Variants in VAPA observed in about 807,000 individuals in gnomAD.
The protein encoded by VAPA is VAMP associated protein A.
In VAPA, 6 loss-of-function variants were observed where a neutral mutation model predicts 25.6. The ratio of observed to expected loss-of-function variants is 0.23; its 90% CI spans 0.13 to 0.46. The LOEUF is 0.46. VAPA is among the 20% of genes least tolerant of loss of function. VAPA has a pLI of 0.99. For synonymous variants in VAPA, 112 were observed against 106.2 expected, an observed-to-expected ratio of 1.05 and a Z score of -0.34; for missense variants, 244 against 302.1, an observed-to-expected ratio of 0.81 and a Z score of 1.43.
chr18:9,926,413 T>C (rs1298962523), intron 1 of VAPA, among the ~76,000 whole-genome samples: 1 of 152,170 alleles, frequency 6.6e-6, no homozygotes, highest in East Asian at 1.9e-4. Context: ...CTGCACTGCA[T>C]AGCTAAGAAT....
intron 4 of VAPA, among the ~76,000 whole-genome samples, chr18:9,938,040 G>A (rs957508483): frequency 2.0e-5 from 3 of 152,142 alleles, no homozygotes; most frequent in African/African-American, 7.2e-5. Flanking sequence ...GTGAACACAT[G>A]TATTCTCTGT....
At chr18:9,947,643 C>G (rs927087257) in intron 4 of VAPA, 7 of 152,194 alleles carry the variant, frequency 4.6e-5, no homozygotes, top group Non-Finnish European at 1.0e-4. Context: ...CTAAGAGTCA[C>G]AGCATGTTGA....
intron 4 of VAPA, 168 bp from the exon 5 acceptor site, chr18:9,950,227 A>T (rs3025576): frequency 1.6e-6 from 1 of 615,596 alleles, no homozygotes. Flanking sequence ...TTATGGGAAT[A>T]GAGGGAGTGG....
intron 1 of VAPA, among the ~76,000 whole-genome samples, chr18:9,925,261 T>A (rs749584057): frequency 2.2e-4 from 34 of 151,660 alleles, no homozygotes; most frequent in Non-Finnish European, 8.8e-5. Context: ...ATAATATGAT[T>A]GTATAATATG....
At chr18:9,927,992 C>T (rs3025607) in intron 1 of VAPA, among the ~76,000 whole-genome samples, 28 of 151,938 alleles carry the variant, frequency 1.8e-4, no homozygotes, top group Non-Finnish European at 3.4e-4. Context: ...ATAAATGTAA[C>T]GTATGCAGTT....
At chr18:9,949,546 CTT>C (rs749330663) in intron 4 of VAPA, 12 of 152,024 alleles carry the variant, frequency 7.9e-5, no homozygotes, top group African/African-American at 2.9e-4. Flanking sequence ...TAGTAAATGT[CTT>C]TTTTAGCAGT....
At chr18:9,914,517 C>T in intron 1 of VAPA, 182 bp downstream of exon 1, 1 of 401,832 alleles carries the variant, frequency 2.5e-6, no homozygotes. Flanking sequence ...GCCCCTTGCT[C>T]CGGCCCGCTT....
chr18:9,941,810 C>T (rs576177615), intron 4 of VAPA, among the ~76,000 whole-genome samples: 2 of 152,264 alleles, frequency 1.3e-5, no homozygotes, highest in East Asian at 3.9e-4. Flanking sequence ...CTGACTTACA[C>T]AGTTGCTGAA....
intron 2 of VAPA, among the ~76,000 whole-genome samples, chr18:9,932,189 C>T (rs1285760613): frequency 1.3e-5 from 2 of 152,156 alleles, no homozygotes; most frequent in Non-Finnish European, 2.9e-5. Flanking sequence ...TTGTCAATTA[C>T]AAACTTTAGT....
At chr18:9,924,737 TGA>T (rs1201872140) in intron 1 of VAPA, among the ~76,000 whole-genome samples, 2 of 152,144 alleles carry the variant, frequency 1.3e-5, no homozygotes, top group Non-Finnish European at 2.9e-5. Context: ...TCACATGACA[TGA>T]GAGAAGCCTT....
chr18:9,921,049 C>T (rs984375921), intron 1 of VAPA, among the ~76,000 whole-genome samples: 5 of 152,242 alleles, frequency 3.3e-5, no homozygotes, highest in Admixed American at 6.5e-5. Context: ...CCCTCCCAAA[C>T]TATACTATGA....
intron 1 of VAPA, 82 bp downstream of exon 1, chr18:9,914,417 C>G (rs994887222): frequency 1.5e-6 from 2 of 1,328,146 alleles, no homozygotes; most frequent in Admixed American, 2.8e-5. Context: ...AGGGCACGTC[C>G]GCGGCCCTGG....
At chr18:9,929,268 A>G (rs1219240363) in intron 1 of VAPA, among the ~76,000 whole-genome samples, 2 of 152,158 alleles carry the variant, frequency 1.3e-5, no homozygotes, top group Non-Finnish European at 2.9e-5. Flanking sequence ...GTGGGTCTGC[A>G]TTGCAGAATG....
At chr18:9,926,683 C>T (rs1196677360) in intron 1 of VAPA, among the ~76,000 whole-genome samples, 2 of 152,060 alleles carry the variant, frequency 1.3e-5, no homozygotes, top group Non-Finnish European at 1.5e-5. Flanking sequence ...CTTAGAGAAC[C>T]GGAATCTTTC....
chr18:9,959,688 T>TGTGAGA lies in VAPA; in HGVS notation c.*5479_*5484dup, dbSNP rs1414935566. 1 of 136,978 alleles carries TGTGAGA rather than the reference T, an allele frequency of 7.3e-6. No homozygotes were observed. The highest frequency in any genetic ancestry group is 2.1e-4 in the East Asian group (1 of 4,824). 8.5% of individuals were successfully genotyped at this position (136,978 alleles called of 1,614,324 possible). On this transcript the variant is annotated 3_prime_UTR_variant, in exon 6 of 6. Coordinates refer to ENST00000400000, the MANE Select transcript of VAPA (RefSeq NM_194434.3). The stretch of plus-strand genomic sequence containing the variant: ...GAGGAAAAATAATACAATGTGTGTG[T>TGTGAGA]GTGAGAGAGAGAGTGAGTTACTGAC...
intron 4 of VAPA, chr18:9,948,509 C>T (rs1364754880): frequency 1.3e-5 from 2 of 152,080 alleles, no homozygotes; most frequent in East Asian, 3.8e-4. Flanking sequence ...TAAAAATAAT[C>T]AGTTGTCGAG....
At position 9,950,568 on chromosome 18, in the gene VAPA, A is replaced by G; in HGVS notation, c.591A>G (p.Arg197=). Residue 197 remains arginine, a splice_region_variant and synonymous_variant, in exon 5 of 6, where the codon AGA becomes AGG. Coordinates refer to ENST00000400000, the MANE Select transcript of VAPA (RefSeq NM_194434.3). Reference sequence around the variant, plus strand: ...TATCAGAAGAAAATCGGCACCTGAGAGTAAGTTCTGTTGGTTGAAAATAAA... The same window carrying G: ...TATCAGAAGAAAATCGGCACCTGAGGGTAAGTTCTGTTGGTTGAAAATAAA... The part of the protein sequence containing the change: ...MKLSEENRHL[R]DEGLRLRKVA... 7 of 1,611,812 alleles carry G rather than the reference A, an allele frequency of 4.3e-6. No homozygotes were observed. The highest frequency in any genetic ancestry group is 5.9e-6 in the Non-Finnish European group (7 of 1,179,464).
At chr18:9,922,366 T>C (rs1477705510) in intron 1 of VAPA, among the ~76,000 whole-genome samples, 1 of 152,176 alleles carries the variant, frequency 6.6e-6, no homozygotes, top group Admixed American at 6.5e-5. Context: ...GACATTTTCT[T>C]TGCATAATCA....
Position 9,937,081 on chromosome 18 carries a change from G to T in VAPA, c.417+15G>T, listed in dbSNP as rs773221093. On this transcript the variant is annotated intron_variant, in intron 4 of 5. Transcript: ENST00000400000. ...ATGATAAATTGGTAAGTAGGAGAATGTAAAAAAAATTGGGAGCTGTTGAGC... is the reference window on the plus strand; with the variant it reads ...ATGATAAATTGGTAAGTAGGAGAATTTAAAAAAAATTGGGAGCTGTTGAGC... 1.6e-5 allele frequency: 25 copies of T among 1,608,562 alleles called. 1 individual carries two copies. In the South Asian group the frequency reaches 2.8e-4, roughly 18 times the overall value.
Sources: gnomAD v4.1 joint callset for allele counts (sites outside exome capture counted in the v4.1 genomes callset) on GRCh38, gnomAD v4.1.1 for gene constraint, MANE v1.5 for transcripts, NCBI Gene and HGNC (gene_info 2026-07-23, HGNC 2026-07-21) for gene names.